The following PRR23E variants were observed in gnomAD, a reference collection of about 807,000 sequenced individuals.
The protein encoded by PRR23E is proline-rich protein 23E.
At chr3:127,193,457 C>T in the PRR23E span, among the ~76,000 whole-genome samples, 1 of 152,026 alleles carries the variant, frequency 6.6e-6, no homozygotes, top group Admixed American at 6.6e-5. Flanking sequence ...TGAAAGTGTC[C>T]GCGTCGCACC....
chr3:127,196,835 G>A, the PRR23E span: 2 of 1,599,110 alleles, frequency 1.3e-6, no homozygotes, highest in Non-Finnish European at 1.7e-6. Context: ...TGGGAGCCCA[G>A]CCTGTAACTG....
the PRR23E span, chr3:127,197,707 C>G: frequency 3.6e-6 from 1 of 280,822 alleles, no homozygotes; most frequent in Non-Finnish European, 6.6e-6. Flanking sequence ...TGCATGCAAC[C>G]TTGTAAAATG....
At chr3:127,196,967 A>G in the PRR23E span, 6 of 1,599,316 alleles carry the variant, frequency 3.8e-6, no homozygotes, top group Non-Finnish European at 4.2e-6. Flanking sequence ...ATCCCCCTCC[A>G]GCTGCCTTGG....
At chr3:127,197,054 G>A in the PRR23E span, 15 of 1,594,194 alleles carry the variant, frequency 9.4e-6, no homozygotes, top group African/African-American at 1.7e-4. Flanking sequence ...TGGCTGCCTT[G>A]GCCCCCAACC....
At chr3:127,196,086 T>C in the PRR23E span, among the ~76,000 whole-genome samples, 1 of 152,188 alleles carries the variant, frequency 6.6e-6, no homozygotes, top group East Asian at 1.9e-4. Flanking sequence ...GTTCAGACAC[T>C]GCATCCTTTG....
the PRR23E span, chr3:127,197,524 A>C: frequency 2.1e-6 from 2 of 934,400 alleles, no homozygotes; most frequent in Non-Finnish European, 3.1e-6. Flanking sequence ...GTTGTTTACT[A>C]TTCTTCAGTA....
the PRR23E span, chr3:127,197,307 C>T: frequency 2.8e-5 from 45 of 1,598,258 alleles, no homozygotes; most frequent in East Asian, 4.5e-5. Context: ...TTCAGAGCTC[C>T]GCCCTCTGCC....
chr3:127,196,732 G>A, the PRR23E span: 85 of 1,594,232 alleles, frequency 5.3e-5, no homozygotes, highest in African/African-American at 1.5e-4. Flanking sequence ...AAGGTCCGCC[G>A]TGCCTTCGAG....
the PRR23E span, chr3:127,197,363 C>A: frequency 4.4e-6 from 7 of 1,583,910 alleles, no homozygotes; most frequent in Middle Eastern, 1.7e-4. Flanking sequence ...GCTGCTCCCG[C>A]TCCTCCTCCC....
At chr3:127,197,311 C>G in the PRR23E span, 2 of 1,598,448 alleles carry the variant, frequency 1.3e-6, no homozygotes, top group African/African-American at 2.7e-5. Context: ...GAGCTCCGCC[C>G]TCTGCCCCCT....
At chr3:127,197,319 C>T in the PRR23E span, 2 of 1,598,612 alleles carry the variant, frequency 1.3e-6, no homozygotes, top group East Asian at 2.2e-5. Flanking sequence ...CCCTCTGCCC[C>T]CTTCCCCCAT....
the PRR23E span, chr3:127,197,106 G>C: frequency 6.3e-7 from 1 of 1,598,168 alleles, no homozygotes; most frequent in Middle Eastern, 1.7e-4. Context: ...CTACTCCTTG[G>C]CTTCTCCCAC....
chr3:127,197,131 C>T, the PRR23E span: 1 of 1,597,086 alleles, frequency 6.3e-7, no homozygotes, highest in Non-Finnish European at 8.5e-7. Context: ...GGCGGGGCCA[C>T]CTCCAGCCAC....
the PRR23E span, among the ~76,000 whole-genome samples, chr3:127,196,024 A>G: frequency 2.6e-5 from 4 of 152,072 alleles, no homozygotes; most frequent in South Asian, 4.1e-4. Context: ...GGTGCTGAAT[A>G]TGCTGTTCAC....
the PRR23E span, among the ~76,000 whole-genome samples, chr3:127,196,356 C>T: frequency 2.0e-5 from 3 of 152,260 alleles, no homozygotes; most frequent in South Asian, 6.2e-4. Context: ...GCATGAGGAA[C>T]TGAATTTGGA....
the PRR23E span, chr3:127,197,116 C>T: frequency 6.3e-7 from 1 of 1,598,258 alleles, no homozygotes; most frequent in Non-Finnish European, 8.5e-7. Flanking sequence ...GCTTCTCCCA[C>T]TCTGGGCGGG....
At chr3:127,196,591 A>G in the PRR23E span, 1 of 1,448,244 alleles carries the variant, frequency 6.9e-7, no homozygotes, top group Admixed American at 2.5e-5. Flanking sequence ...CACCCCACAG[A>G]TACCAGGAGC....
At chr3:127,197,399 C>T in the PRR23E span, 1 of 1,556,888 alleles carries the variant, frequency 6.4e-7, no homozygotes, top group East Asian at 2.3e-5. Context: ...CCCGCCGCCG[C>T]CTCTTTGAGT....
chr3:127,196,508 C>A, the PRR23E span: 7 of 987,036 alleles, frequency 7.1e-6, no homozygotes, highest in Non-Finnish European at 1.0e-5. Context: ...TGTCACCTCA[C>A]CCCCAGCTGT....
Sources: allele counts gnomAD v4.1 joint callset (sites outside exome capture counted in the v4.1 genomes callset), GRCh38; gene constraint gnomAD v4.1.1; transcripts MANE v1.5; gene names NCBI Gene and HGNC (gene_info 2026-07-23, HGNC 2026-07-21).